Variants in TMEM232 observed in about 807,000 individuals in gnomAD.
The protein encoded by TMEM232 is transmembrane protein 232.
TMEM232 carries 80 observed loss-of-function variants against 78.8 expected under a neutral mutation model. That is an observed-to-expected ratio of 1.01 (90% confidence interval 0.85 to 1.22). The LOEUF is 1.22. Ranked by LOEUF, TMEM232 falls within the 50% of genes most tolerant of loss-of-function variation. The pLI is 0.00. For missense variants in TMEM232, 881 were observed against 742.2 expected (o/e 1.19, Z -2.17); for synonymous variants, 297 against 254.3 (o/e 1.17, Z -1.60).
In TMEM232 at chr5:110,494,513, C is replaced by T. The variant is rs1281913832; in HGVS notation, c.1703+34075G>A. Among the ~76,000 whole-genome samples the T allele has an allele frequency of 3.3e-5, 5 of 152,118 alleles. No individual in the cohort carries two copies. The East Asian group carries it at 9.7e-4, about 29-fold the overall frequency. On this transcript the variant is annotated intron_variant, in intron 12 of 13. Transcript: ENST00000455884. ...ATGCTGATGAGAGTATAAATCAATA[C>T]AACCATTCAGAGTGCAGGGAGGGAA...
At chr5:110,541,723 A>T (rs1279169217) in intron 11 of TMEM232, among the ~76,000 whole-genome samples, 1 of 152,102 alleles carries the variant, frequency 6.6e-6, no homozygotes, top group Non-Finnish European at 1.5e-5. Context: ...GATCCATAAT[A>T]CCCCTAGAGC....
At chr5:110,729,788 T>C (rs141428437), upstream of TMEM232, among the ~76,000 whole-genome samples, 536 of 152,306 alleles carry the variant, frequency 3.5e-3, 1 homozygote, top group African/African-American at 0.012. Context: ...TCCATTTCAA[T>C]CCTTGACTTA....
At chr5:110,658,917 T>G (rs570874694) in intron 2 of TMEM232, among the ~76,000 whole-genome samples, 125 of 152,282 alleles carry the variant, frequency 8.2e-4, no homozygotes, top group African/African-American at 2.8e-3. Context: ...AATTTCTTTT[T>G]GACAATGGGT....
intron 10 of TMEM232, among the ~76,000 whole-genome samples, chr5:110,580,121 TTATAAA>T (rs1455822798): frequency 6.6e-6 from 1 of 151,668 alleles, no homozygotes; most frequent in Non-Finnish European, 1.5e-5. Context: ...GATATAACAA[TTATAAA>T]TATATATGCA....
At chr5:110,473,863 T>G (rs1298021164) in intron 12 of TMEM232, among the ~76,000 whole-genome samples, 17 of 129,554 alleles carry the variant, frequency 1.3e-4, no homozygotes, top group African/African-American at 5.0e-4. Context: ...CTGGAGGACA[T>G]TCTGTTAAGT....
At position 110,683,720 on chromosome 5, in the gene TMEM232, G is replaced by C. The variant is rs143010351; in HGVS notation, c.-12-16356C>G. On this transcript the variant is annotated intron_variant, in intron 1 of 13. Transcript: ENST00000455884. ...TATATAAAATTTTGAGCCACTCAAG[G>C]TTATAGAATCTGTGGCAGTATGGGA... is the stretch of plus-strand genomic sequence containing the variant. Among the ~76,000 whole-genome samples the C allele has an allele frequency of 6.4e-3, 970 of 151,764 alleles. 18 individuals carry two copies. The highest frequency in any genetic ancestry group is 0.022 in the African/African-American group (897 of 41,466).
chr5:110,703,426 G>C (rs1035625161), intron 1 of TMEM232, among the ~76,000 whole-genome samples: 1 of 152,050 alleles, frequency 6.6e-6, no homozygotes, highest in African/African-American at 2.4e-5. Context: ...ACCCTTACTA[G>C]CATAGCTTAT....
chr5:110,468,739 C>T (rs1290885380), intron 12 of TMEM232, among the ~76,000 whole-genome samples: 1 of 152,020 alleles, frequency 6.6e-6, no homozygotes, highest in Non-Finnish European at 1.5e-5. Flanking sequence ...CAGATCCTTT[C>T]ATAATAATAA....
chr5:110,586,367 G>A (rs1161136942), intron 10 of TMEM232, among the ~76,000 whole-genome samples: 3 of 151,896 alleles, frequency 2.0e-5, no homozygotes, highest in Non-Finnish European at 4.4e-5. Flanking sequence ...AAGGTACTGT[G>A]CTCTATTTTC....
intron 2 of TMEM232, among the ~76,000 whole-genome samples, chr5:110,398,368 C>T (rs1396467716): frequency 6.6e-6 from 1 of 152,094 alleles, no homozygotes; most frequent in East Asian, 1.9e-4. Flanking sequence ...AGGACAATGG[C>T]TCCTAATCTT....
intron 12 of TMEM232, among the ~76,000 whole-genome samples, chr5:110,496,295 T>G (rs907477917): frequency 6.6e-6 from 1 of 151,938 alleles, no homozygotes; most frequent in Non-Finnish European, 1.5e-5. Context: ...TAAAAACAAG[T>G]GTTACTTTTT....
intron 1 of TMEM232, among the ~76,000 whole-genome samples, chr5:110,715,375 C>T (rs949234938): frequency 6.6e-6 from 1 of 151,872 alleles, no homozygotes. Flanking sequence ...TGTAAATGAC[C>T]AGTGAACATA....
chr5:110,579,121 C>A (rs1451899385), intron 10 of TMEM232, among the ~76,000 whole-genome samples: 2 of 151,520 alleles, frequency 1.3e-5, no homozygotes, highest in South Asian at 4.2e-4. Context: ...CTTGTCATGT[C>A]AAGGGGATGA....
intron 8 of TMEM232, among the ~76,000 whole-genome samples, chr5:110,614,488 A>G (rs1018306912): frequency 6.6e-6 from 1 of 152,108 alleles, no homozygotes; most frequent in Non-Finnish European, 1.5e-5. Context: ...TGCAACCTTA[A>G]ACACAAATCA....
intron 7 of TMEM232, among the ~76,000 whole-genome samples, chr5:110,619,148 T>A (rs1422576998): frequency 1.3e-5 from 2 of 152,176 alleles, no homozygotes; most frequent in South Asian, 4.1e-4. Context: ...AATGATGACA[T>A]AGCACTCTCT....
intron 4 of TMEM232, among the ~76,000 whole-genome samples, chr5:110,639,308 A>G (rs1786342111): frequency 6.6e-6 from 1 of 152,214 alleles, no homozygotes; most frequent in African/African-American, 2.4e-5. Context: ...GAAGAGAGTA[A>G]GAAGTCATAT....
chr5:110,400,559 C>A (rs1313783245), intron 2 of TMEM232, among the ~76,000 whole-genome samples: 1 of 151,930 alleles, frequency 6.6e-6, no homozygotes, highest in Non-Finnish European at 1.5e-5. Context: ...ATGTGTATTA[C>A]ACTGCTTCAG....
At chr5:110,660,758 CAT>C (rs1427910652) in intron 2 of TMEM232, among the ~76,000 whole-genome samples, 1 of 152,080 alleles carries the variant, frequency 6.6e-6, no homozygotes, top group South Asian at 2.1e-4. Context: ...TTGATACAAA[CAT>C]ATAATGTTTA....
At chr5:110,499,636 CA>C (rs201982475) in intron 12 of TMEM232, among the ~76,000 whole-genome samples, 3,574 of 126,554 alleles carry the variant, frequency 0.028, 181 homozygotes, top group African/African-American at 0.15. Context: ...CACCCCCCCC[CA>C]CACACACACA....
Sources: allele counts gnomAD v4.1 joint callset (sites outside exome capture counted in the v4.1 genomes callset), GRCh38; gene constraint gnomAD v4.1.1; transcripts MANE v1.5; gene names NCBI Gene and HGNC (gene_info 2026-07-23, HGNC 2026-07-21).